Variants in PSKH1 observed in about 807,000 individuals in gnomAD.
PSKH1 encodes protein serine kinase H1.
A neutral mutation model predicts 26.7 loss-of-function variants in PSKH1; 12 were observed. The ratio of observed to expected loss-of-function variants is 0.45; its 90% CI spans 0.29 to 0.73. PSKH1 has a LOEUF of 0.73. PSKH1 is among the 30% of genes least tolerant of loss of function. PSKH1 has a pLI of 0.11. For synonymous variants in PSKH1, 213 were observed against 234.3 expected, an observed-to-expected ratio of 0.91 and a Z score of 0.83; for missense variants, 431 against 595.2, an observed-to-expected ratio of 0.72 and a Z score of 2.87.
At chr16:67,899,892 A>G (rs888894767) in intron 1 of PSKH1, among the ~76,000 whole-genome samples, 6 of 146,900 alleles carry the variant, frequency 4.1e-5, no homozygotes, top group Non-Finnish European at 6.0e-5. Flanking sequence ...CAAGTGATCC[A>G]CCTGCCTCGG....
At chr16:67,914,092 G>A (rs952709413) in intron 2 of PSKH1, among the ~76,000 whole-genome samples, 2 of 152,318 alleles carry the variant, frequency 1.3e-5, no homozygotes, top group African/African-American at 4.8e-5. Context: ...GGGTACTTGG[G>A]AAGTTCAGTT....
At chr16:67,908,481 C>T (rs773846552) in intron 1 of PSKH1, among the ~76,000 whole-genome samples, 199 bp from the exon 2 acceptor site, 3 of 152,082 alleles carry the variant, frequency 2.0e-5, no homozygotes, top group Non-Finnish European at 4.4e-5. Flanking sequence ...TGTTGGCCAG[C>T]TGGTCTTGAA....
chr16:67,893,286 C>T lies in PSKH1; in HGVS notation c.-156C>T. The stretch of plus-strand genomic sequence containing the variant: ...CGCTAACGCCCGAGAATGGCGGCGG[C>T]GGCGGCGGCGGCGGCGGCCGCTGCC... On this transcript the variant is annotated 5_prime_UTR_variant, in exon 1 of 3. Transcript: ENST00000291041. 6.5e-6 allele frequency: 1 copy of T among 154,406 alleles called. No homozygotes were observed. The highest frequency in any genetic ancestry group is 1.3e-5 in the Non-Finnish European group (1 of 75,954). The allele number at this position is 154,406 out of a possible 1,614,324, so 9.6% of individuals were successfully genotyped here.
rs767784614 is a variant in PSKH1 at position 67,909,339 on chromosome 16, G to A, written c.590G>A (p.Arg197Gln). The change falls in exon 2 of 3, where the codon CGG becomes CAG. Residue 197 changes from arginine to glutamine, a missense_variant. Physicochemically the swap from Arg to Gln is conservative, Grantham distance 43 (BLOSUM62 1). Coordinates refer to ENST00000291041, the MANE Select transcript of PSKH1 (RefSeq NM_006742.3). The surrounding 1 kb of genome is among the most constrained non-coding windows in gnomAD (Gnocchi z 7.8). Reference sequence around the variant, plus strand: ...TCCTTCACCGAGCGTGACGCCACGCGGGTGCTGCAGATGGTGCTGGATGGC... The same window carrying A: ...TCCTTCACCGAGCGTGACGCCACGCAGGTGCTGCAGATGGTGCTGGATGGC... The part of the protein sequence containing the change: ...KGSFTERDAT[R>Q]VLQMVLDGVR... The A allele has an allele frequency of 2.5e-6, 4 of 1,613,882 alleles. No homozygotes were observed. The highest frequency in any genetic ancestry group is 2.2e-5 in the South Asian group (2 of 91,054).
rs553832120 is a variant in PSKH1, at chr16:67,916,590, C to T, written c.957+6884C>T. ...GGTGTTTGTTGTTGGGAGCCCTCTG[C>T]ACTGTGGGAGGAGCCCTCTGGGTTC... On this transcript the variant is annotated intron_variant, in intron 2 of 2. Transcript: ENST00000291041. Among the ~76,000 whole-genome samples the T allele has an allele frequency of 6.6e-5, 10 of 152,204 alleles. No individual in the cohort carries two copies. The East Asian group carries it at 1.4e-3, about 21-fold the overall frequency.
chr16:67,903,981 C>G (rs902600764), intron 1 of PSKH1, among the ~76,000 whole-genome samples: 1 of 149,988 alleles, frequency 6.7e-6, no homozygotes, highest in African/African-American at 2.5e-5. Flanking sequence ...TCCAAAGTAA[C>G]TGGGACTACA....
At chr16:67,899,304 C>A (rs1477985947) in intron 1 of PSKH1, among the ~76,000 whole-genome samples, 1 of 150,512 alleles carries the variant, frequency 6.6e-6, no homozygotes, top group African/African-American at 2.4e-5. Flanking sequence ...TGACTTGCAG[C>A]AAATAGAAAT....
rs1453478426 is a variant in PSKH1 at position 67,927,853 on chromosome 16, T to A, written c.*211T>A. ...ACAGAGTAGAGGTAGCACAGGGGGC[T>A]GTGACTCCCCCTGAACTGGGAGCCT... On this transcript the variant is annotated 3_prime_UTR_variant, in exon 3 of 3. Coordinates refer to ENST00000291041, the MANE Select transcript of PSKH1 (RefSeq NM_006742.3). The surrounding 1 kb of genome is among the most constrained non-coding windows in gnomAD (Gnocchi z 5.5). 6.5e-6 allele frequency: 4 copies of A among 614,930 alleles called. No homozygotes were observed. Among genetic ancestry groups the A allele is most frequent in the Non-Finnish European group, 1.1e-5 (4 of 360,208 alleles). 38.1% of individuals were successfully genotyped at this position (614,930 alleles called of 1,614,324 possible). A position where few individuals can be genotyped will look rare whatever the true frequency, so the allele number is the denominator to read the frequency against.
At chr16:67,905,025 A>G (rs563297771) in intron 1 of PSKH1, among the ~76,000 whole-genome samples, 1 of 150,598 alleles carries the variant, frequency 6.6e-6, no homozygotes, top group African/African-American at 2.5e-5. Flanking sequence ...ACGGGGTTTC[A>G]CTGTGTTAGC....
At chr16:67,898,649 A>G (rs2058133347) in intron 1 of PSKH1, among the ~76,000 whole-genome samples, 1 of 134,968 alleles carries the variant, frequency 7.4e-6, no homozygotes, top group Non-Finnish European at 1.6e-5. Flanking sequence ...TTGGAGATGG[A>G]GTCTCGCTCT....
At chr16:67,893,704 G>T (rs1173706661) in intron 1 of PSKH1, among the ~76,000 whole-genome samples, 3 of 152,238 alleles carry the variant, frequency 2.0e-5, no homozygotes, top group African/African-American at 7.2e-5. Flanking sequence ...ATCCAACCTG[G>T]TTGTCCTTGT....
Position 67,927,369 on chromosome 16 carries a change from C to T in PSKH1, c.1002C>T (p.Arg334=). 4 of 1,613,684 alleles carry T rather than the reference C, an allele frequency of 2.5e-6. No homozygotes were observed. The highest frequency in any genetic ancestry group is 2.5e-6 in the Non-Finnish European group (3 of 1,179,594). ...VSNLAKDFID[R]LLTVDPGARM... ...ACCTGGCCAAGGACTTCATTGACCG[C>T]CTGCTGACAGTGGACCCTGGAGCCC... Residue 334 remains arginine (R), a synonymous_variant, in exon 3 of 3, where the codon CGC becomes CGT. Coordinates refer to ENST00000291041, the MANE Select transcript of PSKH1 (RefSeq NM_006742.3). The surrounding 1 kb of genome is among the most constrained non-coding windows in gnomAD (Gnocchi z 5.5).
intron 1 of PSKH1, among the ~76,000 whole-genome samples, chr16:67,898,468 TTTCA>T (rs1181560285): frequency 6.6e-6 from 1 of 151,860 alleles, no homozygotes; most frequent in Non-Finnish European, 1.5e-5. Flanking sequence ...CCCAGCCTGG[TTTCA>T]AACTCTTGGC....
rs117828561 is a variant in PSKH1 at position 67,916,250 on chromosome 16, T to G, written c.957+6544T>G. ...TCTGACGCAGCAGCGTTTGGAGGTA[T>G]GCATTCTTCACCAGCGAGTGTCTCG... On this transcript the variant is annotated intron_variant, in intron 2 of 2. Coordinates refer to ENST00000291041, the MANE Select transcript of PSKH1 (RefSeq NM_006742.3). 3.5e-3 allele frequency among the ~76,000 whole-genome samples: 526 copies of G among 152,316 alleles called. 1 individual carries two copies. The highest frequency in any genetic ancestry group is 5.9e-3 in the Non-Finnish European group (399 of 68,028).
chr16:67,917,481 T>G (rs188078978), intron 2 of PSKH1, among the ~76,000 whole-genome samples: 1 of 152,378 alleles, frequency 6.6e-6, no homozygotes, highest in East Asian at 1.9e-4. Flanking sequence ...GTGTCCAGGC[T>G]TAGTGCACAG....
chr16:67,911,476 A>G lies in PSKH1; in HGVS notation c.957+1770A>G, dbSNP rs530670874. Among the ~76,000 whole-genome samples the G allele has an allele frequency of 2.6e-5, 4 of 152,266 alleles. No individual in the cohort carries two copies. In the East Asian group the frequency reaches 7.8e-4, roughly 30 times the overall value. ...GACAGGTGGATTACTGGAAGTCAGG[A>G]GTTCAAGACCAGCCTGGCCAACATG... On this transcript the variant is annotated intron_variant, in intron 2 of 2. Coordinates refer to ENST00000291041, the MANE Select transcript of PSKH1 (RefSeq NM_006742.3).
intron 1 of PSKH1, among the ~76,000 whole-genome samples, chr16:67,907,439 G>A (rs1382434688): frequency 6.6e-6 from 1 of 151,552 alleles, no homozygotes; most frequent in Admixed American, 6.6e-5. Flanking sequence ...TTTTGTACTT[G>A]TAGTAGAAAT....
In PSKH1 at chr16:67,909,275, A is replaced by T; in HGVS notation, c.526A>T (p.Thr176Ser). The T allele has an allele frequency of 6.2e-7, 1 of 1,614,132 alleles. No individual in the cohort carries two copies. Among genetic ancestry groups the T allele is most frequent in the South Asian group, 1.1e-5 (1 of 91,076 alleles). The stretch of plus-strand genomic sequence containing the variant: ...GGTGTACATGGTGATGGAGCTGGCC[A>T]CTGGTGGAGAGCTCTTTGACCGCAT... Reference protein sequence around the residue: ...ERVYMVMELATGGELFDRIIA... With the variant: ...ERVYMVMELASGGELFDRIIA... Residue 176 changes from threonine to serine, a missense_variant, in exon 2 of 3, where the codon ACT becomes TCT. By Grantham distance (58) the Thr-to-Ser change is moderately conservative (BLOSUM62 1). Coordinates refer to ENST00000291041, the MANE Select transcript of PSKH1 (RefSeq NM_006742.3). This position sits in a 1 kb window ranked among gnomAD's most constrained non-coding sequence, Gnocchi z 7.8.
chr16:67,927,539 C>T lies in PSKH1; in HGVS notation c.1172C>T (p.Ser391Phe). ...TGCCAGAGCACCAAATCTGCCCAGT[C>T]CACGCGTTCCAGCCGCTCCACACGC... ...SRCQSTKSAQSTRSSRSTRSN... is the reference protein window; with the variant it reads ...SRCQSTKSAQFTRSSRSTRSN... The change falls in exon 3 of 3, where the codon TCC (serine) becomes TTC (phenylalanine). Residue 391 changes from serine to phenylalanine, a missense_variant. Physicochemically the swap from Ser to Phe is radical, Grantham distance 155 (BLOSUM62 -2). Coordinates refer to ENST00000291041, the MANE Select transcript of PSKH1 (RefSeq NM_006742.3). This position sits in a 1 kb window ranked among gnomAD's most constrained non-coding sequence, Gnocchi z 5.5. 1 of 1,614,004 alleles carries T rather than the reference C, an allele frequency of 6.2e-7. No individual in the cohort carries two copies. Among genetic ancestry groups the T allele is most frequent in the Non-Finnish European group, 8.5e-7 (1 of 1,180,044 alleles).
Sources: gnomAD v4.1 joint callset for allele counts (sites outside exome capture counted in the v4.1 genomes callset) on GRCh38, gnomAD v4.1.1 for gene constraint, Gnocchi (gnomAD v3.1) non-coding constraint, MANE v1.5 for transcripts, NCBI Gene and HGNC (gene_info 2026-07-23, HGNC 2026-07-21) for gene names.